UBE2V2: variants seen among roughly 807,000 people sequenced by gnomAD.
UBE2V2 encodes the protein ubiquitin-conjugating enzyme E2 variant 2.
Under a neutral mutation model 17.2 loss-of-function variants are expected in UBE2V2, and 9 were observed. The ratio of observed to expected loss-of-function variants is 0.52; its 90% CI spans 0.32 to 0.91. UBE2V2 has a LOEUF of 0.91. Ranked by LOEUF, UBE2V2 falls within the 40% of genes least tolerant of loss-of-function variation. The pLI, the probability that UBE2V2 is intolerant of heterozygous loss-of-function variation, is 0.04. For synonymous variants in UBE2V2, 61 were observed against 57.5 expected, an observed-to-expected ratio of 1.06 and a Z score of -0.28; for missense variants, 133 against 182.6, an observed-to-expected ratio of 0.73 and a Z score of 1.56.
intron 2 of UBE2V2, among the ~76,000 whole-genome samples, chr8:48,047,995 GTT>G (rs11368838): frequency 1.4e-4 from 20 of 139,552 alleles, no homozygotes; most frequent in Middle Eastern, 3.5e-3. Flanking sequence ...AGAGCTTTGG[GTT>G]TTTTTTTTTT....
chr8:48,010,147 T>C (rs895716725), intron 1 of UBE2V2, among the ~76,000 whole-genome samples: 8 of 152,202 alleles, frequency 5.3e-5, no homozygotes, highest in African/African-American at 1.7e-4. Flanking sequence ...GCAAATACTT[T>C]TTGTTAATCA....
At position 48,063,147 on chromosome 8, in the gene UBE2V2, C is replaced by T. The variant is rs1802620205; in HGVS notation, c.*2319C>T. ...CCACCATTGTGAAGTTGCCAACCCC[C>T]TGCCGCCTTCCCCTGCCAAGTACAT... On this transcript the variant is annotated 3_prime_UTR_variant, in exon 4 of 4. Transcript: ENST00000523111. The T allele has an allele frequency of 6.6e-6, 1 of 152,224 alleles. No homozygotes were observed. Among genetic ancestry groups the T allele is most frequent in the Non-Finnish European group, 1.5e-5 (1 of 68,060 alleles). The allele number at this position is 152,224 out of a possible 1,614,324, so 9.4% of individuals were successfully genotyped here.
chr8:48,002,795 C>A, the UBE2V2 span, among the ~76,000 whole-genome samples: 1 of 152,058 alleles, frequency 6.6e-6, no homozygotes, highest in Admixed American at 6.6e-5. Flanking sequence ...TTGCAAATGG[C>A]TGAGAATAGA....
In UBE2V2 at chr8:48,025,387, C is replaced by T. The variant is rs2091334799; in HGVS notation, c.16+16917C>T. Among the ~76,000 whole-genome samples, 4 of 151,862 alleles carry T rather than the reference C, an allele frequency of 2.6e-5. No individual in the cohort carries two copies. In the South Asian group the frequency reaches 8.3e-4, roughly 32 times the overall value. ...CAAGCAATTCTCCTGCCTCAGCCTC[C>T]TGAGTAGCTGGGATTACAGGTGTGC... is the stretch of plus-strand genomic sequence containing the variant. On this transcript the variant is annotated intron_variant, in intron 1 of 3. Transcript: ENST00000523111.
intron 1 of UBE2V2, among the ~76,000 whole-genome samples, chr8:48,027,112 G>A (rs773254667): frequency 2.6e-5 from 4 of 151,920 alleles, no homozygotes; most frequent in South Asian, 2.1e-4. Context: ...AGCCTCCCAC[G>A]TAGCTTGGAT....
At chr8:48,045,136 C>T (rs1362328838) in intron 2 of UBE2V2, among the ~76,000 whole-genome samples, 2 of 152,190 alleles carry the variant, frequency 1.3e-5, no homozygotes, top group Non-Finnish European at 2.9e-5. Context: ...GTCCTCCATT[C>T]CCTGTGGGTG....
intron 3 of UBE2V2, among the ~76,000 whole-genome samples, chr8:48,058,297 T>C (rs1389241713): frequency 6.6e-6 from 1 of 152,070 alleles, no homozygotes. Flanking sequence ...TGAAACCCTG[T>C]GTCTACTAAA....
chr8:48,020,693 A>G (rs1319615083), intron 1 of UBE2V2, among the ~76,000 whole-genome samples: 1 of 151,924 alleles, frequency 6.6e-6, no homozygotes, highest in Admixed American at 6.6e-5. Context: ...ATAACCTCCA[A>G]CTCATGGGCT....
At chr8:48,029,963 A>G (rs1320446371) in intron 1 of UBE2V2, among the ~76,000 whole-genome samples, 1 of 152,182 alleles carries the variant, frequency 6.6e-6, no homozygotes, top group Non-Finnish European at 1.5e-5. Flanking sequence ...TTACTTAGAA[A>G]TTAAAACTAG....
At chr8:47,999,108 G>A in the UBE2V2 span, among the ~76,000 whole-genome samples, 3 of 152,134 alleles carry the variant, frequency 2.0e-5, no homozygotes, top group Non-Finnish European at 2.9e-5. Context: ...AAAGTCGGCT[G>A]GCTTCACCAT....
intron 1 of UBE2V2, among the ~76,000 whole-genome samples, chr8:48,033,788 T>A (rs1215036672): frequency 6.6e-6 from 1 of 151,836 alleles, no homozygotes; most frequent in Non-Finnish European, 1.5e-5. Flanking sequence ...CAAAACCCCG[T>A]CTCTACAAAA....
intron 3 of UBE2V2, among the ~76,000 whole-genome samples, chr8:48,058,568 C>T (rs1404825013): frequency 6.8e-6 from 1 of 147,164 alleles, no homozygotes; most frequent in Non-Finnish European, 1.5e-5. Context: ...CGAGTGAGAC[C>T]CTGTCTCAAA....
At chr8:48,051,973 A>G (rs2091541879) in intron 3 of UBE2V2, among the ~76,000 whole-genome samples, 1 of 152,140 alleles carries the variant, frequency 6.6e-6, no homozygotes, top group Non-Finnish European at 1.5e-5. Context: ...ATTTACTGGG[A>G]GCATTTAGTC....
chr8:48,011,835 G>T (rs2091234258), intron 1 of UBE2V2, among the ~76,000 whole-genome samples: 1 of 152,072 alleles, frequency 6.6e-6, no homozygotes, highest in Admixed American at 6.6e-5. Context: ...TAAATTATTT[G>T]TAGAGACAGG....
At chr8:48,000,841 A>AG in the UBE2V2 span, among the ~76,000 whole-genome samples, 1 of 150,776 alleles carries the variant, frequency 6.6e-6, no homozygotes, top group Non-Finnish European at 1.5e-5. Context: ...AAAAAAAAAA[A>AG]AAAAAAAAGA....
chr8:48,017,614 C>T (rs2091278517), intron 1 of UBE2V2, among the ~76,000 whole-genome samples: 1 of 152,096 alleles, frequency 6.6e-6, no homozygotes, highest in African/African-American at 2.4e-5. Flanking sequence ...CTCAGGTGGT[C>T]TGCCTGCCTC....
intron 1 of UBE2V2, among the ~76,000 whole-genome samples, chr8:48,013,452 C>T (rs772806366): frequency 1.6e-4 from 25 of 151,972 alleles, no homozygotes; most frequent in Non-Finnish European, 1.5e-4. Flanking sequence ...GGACTATAGG[C>T]GCCTGCCACC....
intron 1 of UBE2V2, among the ~76,000 whole-genome samples, chr8:48,026,820 G>A (rs1271350501): frequency 6.6e-6 from 1 of 152,156 alleles, no homozygotes; most frequent in East Asian, 1.9e-4. Context: ...CATTCATCAT[G>A]TTGGTGGTGT....
intron 1 of UBE2V2, among the ~76,000 whole-genome samples, chr8:48,010,893 A>ATTT: frequency 9.4e-6 from 1 of 106,280 alleles, no homozygotes; most frequent in African/African-American, 3.5e-5. Flanking sequence ...TTTTTTTTGT[A>ATTT]TTTTTTTTTT....
Sources: gnomAD v4.1 joint callset for allele counts (sites outside exome capture counted in the v4.1 genomes callset) on GRCh38, gnomAD v4.1.1 for gene constraint, MANE v1.5 for transcripts, NCBI Gene and HGNC (gene_info 2026-07-23, HGNC 2026-07-21) for gene names.